Variants in NARS2 observed in about 807,000 individuals in gnomAD.
NARS2 encodes the protein asparaginyl-tRNA synthetase 2, mitochondrial.
In NARS2, 60 loss-of-function variants were observed where a neutral mutation model predicts 62.9. That is an observed-to-expected ratio of 0.95 (90% confidence interval 0.77 to 1.18). The LOEUF is 1.18. Among genes scored for constraint, NARS2 ranks in the 50% most tolerant of loss-of-function variants. NARS2 has a pLI of 0.00. For synonymous variants in NARS2, 196 were observed against 200.0 expected, an observed-to-expected ratio of 0.98 and a Z score of 0.17; for missense variants, 619 against 576.4, an observed-to-expected ratio of 1.07 and a Z score of -0.76.
chr11:78,562,771 C>T (rs1204729372), intron 4 of NARS2, among the ~76,000 whole-genome samples: 1 of 152,106 alleles, frequency 6.6e-6, no homozygotes, highest in Non-Finnish European at 1.5e-5. Flanking sequence ...CAAGGTTATA[C>T]AAAAAATATT....
At chr11:78,483,142 A>G (rs1401402142) in intron 7 of NARS2, among the ~76,000 whole-genome samples, 2 of 152,192 alleles carry the variant, frequency 1.3e-5, no homozygotes, top group African/African-American at 2.4e-5. Context: ...CAAAAACCAC[A>G]TGATTACCTC....
intron 11 of NARS2, among the ~76,000 whole-genome samples, chr11:78,455,458 C>T (rs2135177064): frequency 6.6e-6 from 1 of 152,174 alleles, no homozygotes; most frequent in Admixed American, 6.5e-5. Context: ...TTCACAAACA[C>T]ACCATGAAGC....
chr11:78,535,224 T>A (rs1002236833), intron 5 of NARS2, among the ~76,000 whole-genome samples: 2 of 152,220 alleles, frequency 1.3e-5, no homozygotes, highest in Non-Finnish European at 2.9e-5. Context: ...CCAAGGAATC[T>A]CTGCATAGTA....
At chr11:78,523,116 C>G (rs1267345304) in intron 6 of NARS2, among the ~76,000 whole-genome samples, 2 of 152,070 alleles carry the variant, frequency 1.3e-5, no homozygotes, top group African/African-American at 2.4e-5. Flanking sequence ...AAAAATAACT[C>G]AAGGACTTAC....
chr11:78,508,620 A>G (rs1441039768), intron 6 of NARS2, among the ~76,000 whole-genome samples: 1 of 150,714 alleles, frequency 6.6e-6, no homozygotes, highest in African/African-American at 2.5e-5. Flanking sequence ...AAAAAAAACC[A>G]TTGAAGAAAT....
intron 11 of NARS2, among the ~76,000 whole-genome samples, chr11:78,450,420 G>C (rs1374753556): frequency 6.6e-6 from 1 of 152,080 alleles, no homozygotes; most frequent in Admixed American, 6.5e-5. Context: ...GTATGCAGGA[G>C]GAACACATAT....
chr11:78,499,488 A>G (rs912029341), intron 6 of NARS2, among the ~76,000 whole-genome samples: 3 of 152,194 alleles, frequency 2.0e-5, no homozygotes, highest in Non-Finnish European at 4.4e-5. Context: ...AAAGGAAGGT[A>G]AATAGAATAT....
At chr11:78,543,524 G>A (rs1173565798) in intron 5 of NARS2, among the ~76,000 whole-genome samples, 1 of 152,006 alleles carries the variant, frequency 6.6e-6, no homozygotes, top group Non-Finnish European at 1.5e-5. Context: ...TTAAAAAGAA[G>A]AAACGCTACT....
At chr11:78,463,690 A>C (rs1215017865) in intron 11 of NARS2, among the ~76,000 whole-genome samples, 6 of 151,030 alleles carry the variant, frequency 4.0e-5, no homozygotes, top group Non-Finnish European at 8.8e-5. Flanking sequence ...CTATCTCAAA[A>C]AAAAGACAAC....
At position 78,450,452 on chromosome 11, in the gene NARS2, T is replaced by G. The variant is rs533694940; in HGVS notation, c.1165-6694A>C. On this transcript the variant is annotated intron_variant, in intron 11 of 13. Coordinates refer to ENST00000281038, the MANE Select transcript of NARS2 (RefSeq NM_024678.6). Reference sequence around the variant, plus strand: ...ATATCATCTTTGTTCTTTCTTTGCCTACATGGTCTGAAAATTCACATTCTC... The same window carrying G: ...ATATCATCTTTGTTCTTTCTTTGCCGACATGGTCTGAAAATTCACATTCTC... Among the ~76,000 whole-genome samples the G allele has an allele frequency of 8.5e-5, 13 of 152,292 alleles. No homozygotes were observed. The South Asian group carries it at 2.7e-3, about 32-fold the overall frequency.
chr11:78,447,202 T>C (rs1857794548), intron 11 of NARS2, among the ~76,000 whole-genome samples: 1 of 151,902 alleles, frequency 6.6e-6, no homozygotes, highest in South Asian at 2.1e-4. Context: ...TATTTTTAAA[T>C]AGAGATGGGG....
Position 78,489,130 on chromosome 11 carries a change from C to T in NARS2, c.822+3933G>A, listed in dbSNP as rs553278713. On this transcript the variant is annotated intron_variant, in intron 7 of 13. Coordinates refer to ENST00000281038, the MANE Select transcript of NARS2 (RefSeq NM_024678.6). ...AAAGAAAAAATGATAAACTAGATGT[C>T]ATCAAAATTAAGGGGATGAAAAGTC... Among the ~76,000 whole-genome samples the T allele has an allele frequency of 5.3e-5, 8 of 152,054 alleles. No individual in the cohort carries two copies. The East Asian group carries it at 1.5e-3, about 29-fold the overall frequency.
chr11:78,457,162 C>T (rs1229867024), intron 11 of NARS2, among the ~76,000 whole-genome samples: 1 of 152,162 alleles, frequency 6.6e-6, no homozygotes, highest in African/African-American at 2.4e-5. Context: ...TACACCACAG[C>T]GCATACCTTC....
chr11:78,470,884 T>TTC (rs1297996297), intron 9 of NARS2, among the ~76,000 whole-genome samples: 2 of 149,758 alleles, frequency 1.3e-5, no homozygotes, highest in African/African-American at 4.9e-5. Flanking sequence ...TATTTTGGAT[T>TTC]TTTTTTTTTT....
intron 6 of NARS2, among the ~76,000 whole-genome samples, chr11:78,513,951 TAC>T (rs560478438): frequency 1.3e-5 from 2 of 152,066 alleles, no homozygotes; most frequent in African/African-American, 4.8e-5. Flanking sequence ...CACACCCCCC[TAC>T]ACACACACTT....
At chr11:78,527,666 A>G (rs1265693088) in intron 6 of NARS2, among the ~76,000 whole-genome samples, 1 of 152,244 alleles carries the variant, frequency 6.6e-6, no homozygotes, top group East Asian at 1.9e-4. Context: ...TGCATTTTTA[A>G]AACAATGGAA....
At chr11:78,474,422 A>G (rs1003019544) in intron 9 of NARS2, among the ~76,000 whole-genome samples, 1 of 152,238 alleles carries the variant, frequency 6.6e-6, no homozygotes, top group Non-Finnish European at 1.5e-5. Flanking sequence ...CCTAACTCAT[A>G]TTAGGCAGTC....
chr11:78,436,486 C>G lies in NARS2; in HGVS notation c.*184G>C, dbSNP rs939983144. On this transcript the variant is annotated 3_prime_UTR_variant, in exon 14 of 14. Transcript: ENST00000281038. ...CTCTTCTTGCGGGAGCTCATCCTTA[C>G]GTGAAATACCCTCAACTTTCTAAGA... 4 of 712,298 alleles carry G rather than the reference C, an allele frequency of 5.6e-6. No homozygotes were observed. Among genetic ancestry groups the G allele is most frequent in the Non-Finnish European group, 9.2e-6 (4 of 435,992 alleles). 44.1% of individuals were successfully genotyped at this position (712,298 alleles called of 1,614,324 possible). A position where few individuals can be genotyped will look rare whatever the true frequency, so the allele number is the denominator to read the frequency against.
chr11:78,459,103 C>T (rs1380727324), intron 11 of NARS2, among the ~76,000 whole-genome samples: 6 of 151,830 alleles, frequency 4.0e-5, no homozygotes, highest in South Asian at 2.1e-4. Flanking sequence ...TTAGTAAAGA[C>T]GGGGTTTCAC....
Sources: allele counts gnomAD v4.1 joint callset (sites outside exome capture counted in the v4.1 genomes callset), GRCh38; gene constraint gnomAD v4.1.1; transcripts MANE v1.5; gene names NCBI Gene and HGNC (gene_info 2026-07-23, HGNC 2026-07-21).